Variants in FAM200B observed in about 807,000 individuals in gnomAD.
FAM200B encodes zinc finger BED-type containing 11, also known as protein FAM200B.
A neutral mutation model predicts 33.1 loss-of-function variants in FAM200B; 32 were observed. The observed-to-expected ratio is 0.97, with a 90% CI of 0.73 to 1.30. The LOEUF (loss-of-function observed/expected upper bound fraction) is 1.30. FAM200B is among the 50% of genes most tolerant of loss of function. The pLI is 0.00. For missense variants in FAM200B, 741 were observed against 754.0 expected, an observed-to-expected ratio of 0.98 and a Z score of 0.20; for synonymous variants, 240 against 264.8, an observed-to-expected ratio of 0.91 and a Z score of 0.91.
the FAM200B span, chr4:15,641,378 C>T: frequency 2.9e-6 from 1 of 344,874 alleles, no homozygotes. Flanking sequence ...CAAGACCAAC[C>T]CCACCTCTTC....
the FAM200B span, among the ~76,000 whole-genome samples, chr4:15,645,530 C>T: frequency 6.6e-6 from 1 of 152,054 alleles, no homozygotes; most frequent in African/African-American, 2.4e-5. Context: ...TGGGTTCAAG[C>T]GATTATCCTG....
rs1718921288 is a variant in FAM200B at position 15,687,065 on chromosome 4, G to C, written c.88G>C (p.Val30Leu). 1.3e-6 allele frequency: 2 copies of C among 1,541,212 alleles called. No homozygotes were observed. The highest frequency in any genetic ancestry group is 1.8e-6 in the Non-Finnish European group (2 of 1,140,044). The change falls in exon 2 of 2, where the codon GTG (valine) becomes CTG (leucine). Residue 30 changes from valine (V) to leucine (L), a missense_variant. By Grantham distance (32) the Val-to-Leu change is conservative (BLOSUM62 1). Coordinates refer to ENST00000422728, the MANE Select transcript of FAM200B (RefSeq NM_001145191.2). ...CSSSSVESGI[V>L]NSDNIEKNTD... is the part of the protein sequence containing the mutation. ...AAGTTCATCTGTTGAATCTGGAATT[G>C]TGAATAGTGACAATATTGAGAAAAA... is the stretch of plus-strand genomic sequence containing the variant.
chr4:15,679,763 C>G (rs574777058), upstream of FAM200B, among the ~76,000 whole-genome samples: 82 of 149,626 alleles, frequency 5.5e-4, no homozygotes, highest in African/African-American at 2.0e-3. Context: ...TTTCCAATCC[C>G]CCTAAAAAAA....
At chr4:15,642,495 C>A in the FAM200B span, among the ~76,000 whole-genome samples, 1 of 152,078 alleles carries the variant, frequency 6.6e-6, no homozygotes, top group Non-Finnish European at 1.5e-5. Flanking sequence ...CTCAGCCTCC[C>A]AAAATGCTAG....
the FAM200B span, among the ~76,000 whole-genome samples, chr4:15,666,037 T>A: frequency 1.4e-5 from 2 of 146,728 alleles, no homozygotes; most frequent in Non-Finnish European, 3.0e-5. Flanking sequence ...AAAAAAAAAA[T>A]GACCATTTCC....
chr4:15,687,034 A>G lies in FAM200B; in HGVS notation c.57A>G (p.Ala19=), dbSNP rs1718918165. The part of the protein sequence containing the change: ...KRNSEVKYTE[A]CSSSSVESGI... The stretch of plus-strand genomic sequence containing the variant: ...ATAGTGAAGTGAAATATACAGAAGC[A>G]TGTTCAAGTTCATCTGTTGAATCTG... Residue 19 remains alanine, a synonymous_variant, in exon 2 of 2, where the codon GCA becomes GCG. Transcript: ENST00000422728. 1 of 1,517,158 alleles carries G rather than the reference A, an allele frequency of 6.6e-7. No individual in the cohort carries two copies. The highest frequency in any genetic ancestry group is 8.9e-7 in the Non-Finnish European group (1 of 1,124,532). 94.0% of individuals were successfully genotyped at this position (1,517,158 alleles called of 1,614,324 possible). A position where few individuals can be genotyped will look rare whatever the true frequency, so the allele number is the denominator to read the frequency against.
the FAM200B span, among the ~76,000 whole-genome samples, chr4:15,636,955 A>G: frequency 6.6e-6 from 1 of 152,232 alleles, no homozygotes; most frequent in Admixed American, 6.5e-5. Flanking sequence ...CATCACAGAA[A>G]AAACAATACT....
the FAM200B span, chr4:15,640,898 A>G: frequency 3.8e-6 from 5 of 1,332,846 alleles, no homozygotes; most frequent in Non-Finnish European, 5.0e-6. Flanking sequence ...AAACCAAAAA[A>G]AAAATACATT....
upstream of FAM200B, among the ~76,000 whole-genome samples, chr4:15,680,698 G>A (rs1718206333): frequency 6.6e-6 from 1 of 151,778 alleles, no homozygotes; most frequent in African/African-American, 2.4e-5. Flanking sequence ...AAAAAATCCA[G>A]TTGGAGAATC....
the FAM200B span, among the ~76,000 whole-genome samples, chr4:15,646,042 T>C: frequency 6.6e-6 from 1 of 152,178 alleles, no homozygotes; most frequent in Non-Finnish European, 1.5e-5. Flanking sequence ...GTAAATAATC[T>C]AGAGCAAGAA....
the FAM200B span, among the ~76,000 whole-genome samples, chr4:15,654,620 G>A: frequency 6.6e-6 from 1 of 152,200 alleles, no homozygotes. Context: ...TCTAAACTTG[G>A]CTTTTCTCCC....
Position 15,686,488 on chromosome 4 carries a change from T to C in FAM200B, c.-490T>C, listed in dbSNP as rs768822920. 6.6e-6 allele frequency: 1 copy of C among 152,258 alleles called. No homozygotes were observed. The highest frequency in any genetic ancestry group is 1.5e-5 in the Non-Finnish European group (1 of 68,060). 9.4% of individuals were successfully genotyped at this position (152,258 alleles called of 1,614,324 possible). On this transcript the variant is annotated 5_prime_UTR_variant, in exon 2 of 2. An upstream start codon of the reference 5' UTR is lost. Coordinates refer to ENST00000422728, the MANE Select transcript of FAM200B (RefSeq NM_001145191.2). ...GTACCAACACAGCAAAGGCACAAAA[T>C]GTCTCTATATCAGTATTTTTCATGG...
chr4:15,661,505 C>G, the FAM200B span, among the ~76,000 whole-genome samples: 1 of 152,054 alleles, frequency 6.6e-6, no homozygotes, highest in Non-Finnish European at 1.5e-5. Flanking sequence ...GTTTGGGAAC[C>G]TTAGGAATAG....
At chr4:15,641,454 C>T in the FAM200B span, 25 of 357,528 alleles carry the variant, frequency 7.0e-5, no homozygotes, top group Non-Finnish European at 1.2e-4. Flanking sequence ...TCCACTTCCA[C>T]TTAATAAATA....
At chr4:15,675,562 CAAAACTCCT>C in the FAM200B span, among the ~76,000 whole-genome samples, 1 of 143,738 alleles carries the variant, frequency 7.0e-6, no homozygotes, top group East Asian at 2.1e-4. Flanking sequence ...TTCTCGGTCA[CAAAACTCCT>C]ATTTTTTTTT....
At chr4:15,641,582 C>A in the FAM200B span, 7 of 456,596 alleles carry the variant, frequency 1.5e-5, no homozygotes, top group African/African-American at 1.9e-5. Flanking sequence ...AATTGTTATT[C>A]GATTGTTTTA....
the FAM200B span, among the ~76,000 whole-genome samples, chr4:15,648,361 T>C: frequency 2.6e-5 from 4 of 152,156 alleles, no homozygotes; most frequent in Non-Finnish European, 5.9e-5. Context: ...TTTCATAAGT[T>C]CCAGCAATCC....
the FAM200B span, among the ~76,000 whole-genome samples, chr4:15,647,742 G>A: frequency 6.6e-6 from 1 of 152,222 alleles, no homozygotes; most frequent in Non-Finnish European, 1.5e-5. Context: ...CTGACTCTAG[G>A]GCAAGATTGC....
At chr4:15,653,528 G>A in the FAM200B span, among the ~76,000 whole-genome samples, 1 of 152,210 alleles carries the variant, frequency 6.6e-6, no homozygotes, top group Admixed American at 6.5e-5. Context: ...ATGGACACAC[G>A]CACAAAATTT....
Sources: gnomAD v4.1 joint callset for allele counts (sites outside exome capture counted in the v4.1 genomes callset) on GRCh38, gnomAD v4.1.1 for gene constraint, MANE v1.5 for transcripts, NCBI Gene and HGNC (gene_info 2026-07-23, HGNC 2026-07-21) for gene names.